The following SHB variants were observed in gnomAD, a reference collection of about 807,000 sequenced individuals.
SHB encodes SH2 domain-containing adapter protein B.
In SHB, 20 loss-of-function variants were observed where a neutral mutation model predicts 52.3. The ratio of observed to expected loss-of-function variants is 0.38; its 90% CI spans 0.27 to 0.56. The LOEUF (loss-of-function observed/expected upper bound fraction) is 0.56. Ranked by LOEUF, SHB falls within the 20% of genes least tolerant of loss-of-function variation. The pLI is 0.71. For missense variants in SHB, 825 were observed against 723.3 expected (o/e 1.14, Z -1.61); for synonymous variants, 397 against 316.5 (o/e 1.25, Z -2.70).
chr9:37,987,078 A>T (rs1820818074), intron 2 of SHB, among the ~76,000 whole-genome samples: 2 of 152,186 alleles, frequency 1.3e-5, no homozygotes, highest in Admixed American at 1.3e-4. Context: ...CTGCTCACCA[A>T]GTGGCTTCAC....
chr9:37,932,578 A>T (rs2118477232), intron 5 of SHB, among the ~76,000 whole-genome samples: 1 of 152,090 alleles, frequency 6.6e-6, no homozygotes, highest in Admixed American at 6.5e-5. Flanking sequence ...AAAAAAAAAA[A>T]AAAGGTAACT....
chr9:37,989,209 G>A (rs1820850183), intron 2 of SHB, among the ~76,000 whole-genome samples: 1 of 151,418 alleles, frequency 6.6e-6, no homozygotes, highest in African/African-American at 2.5e-5. Context: ...CTGCTTGTCT[G>A]TTTCTCTTCT....
intron 1 of SHB, among the ~76,000 whole-genome samples, chr9:38,049,517 A>G (rs1412417102): frequency 2.0e-5 from 3 of 151,942 alleles, no homozygotes; most frequent in Admixed American, 6.5e-5. Flanking sequence ...AGGCTGAGAC[A>G]GAAGAATCGC....
Position 37,947,030 on chromosome 9 carries a change from T to G in SHB, c.1346+1605A>C, listed in dbSNP as rs572681565. Among the ~76,000 whole-genome samples, 5 of 152,226 alleles carry G rather than the reference T, an allele frequency of 3.3e-5. No individual in the cohort carries two copies. In the South Asian group the frequency reaches 1.0e-3, roughly 32 times the overall value. Reference sequence around the variant, plus strand: ...TGCACGCCCCCCTGCTGCTGTCCTCTCCTCAGTCCAATTCCGCTCCTCTGG... The same window carrying G: ...TGCACGCCCCCCTGCTGCTGTCCTCGCCTCAGTCCAATTCCGCTCCTCTGG... On this transcript the variant is annotated intron_variant, in intron 5 of 5. Transcript: ENST00000377707.
intron 1 of SHB, among the ~76,000 whole-genome samples, chr9:38,056,785 G>GT (rs539344564): frequency 2.0e-5 from 3 of 152,232 alleles, no homozygotes; most frequent in Non-Finnish European, 4.4e-5. Context: ...CAAATGGCAG[G>GT]TAAGGGGCTG....
At chr9:37,955,854 G>A (rs752012447) in intron 4 of SHB, 29 bp downstream of exon 4, 8 of 1,599,866 alleles carry the variant, frequency 5.0e-6, no homozygotes, top group Non-Finnish European at 6.0e-6. Flanking sequence ...ACTGGGAGGT[G>A]AGGTTGGGCT....
At chr9:38,062,667 C>T (rs1449025453) in intron 1 of SHB, among the ~76,000 whole-genome samples, 1 of 152,196 alleles carries the variant, frequency 6.6e-6, no homozygotes, top group African/African-American at 2.4e-5. Context: ...CATACCCACC[C>T]CACCCCCAGT....
intron 3 of SHB, among the ~76,000 whole-genome samples, chr9:37,962,529 C>T (rs1326484544): frequency 6.7e-6 from 1 of 149,560 alleles, no homozygotes; most frequent in Non-Finnish European, 1.5e-5. Context: ...TTTTAAGAGA[C>T]AGGGTCTCAT....
intron 2 of SHB, among the ~76,000 whole-genome samples, chr9:37,996,437 C>T (rs1031795209): frequency 6.6e-6 from 1 of 152,242 alleles, no homozygotes; most frequent in African/African-American, 2.4e-5. Context: ...GGCCTGAGGC[C>T]TGTACGTGTG....
chr9:38,066,566 A>G (rs1564114846), intron 1 of SHB, among the ~76,000 whole-genome samples: 1 of 152,188 alleles, frequency 6.6e-6, no homozygotes, highest in African/African-American at 2.4e-5. Flanking sequence ...TAGGTGTGGC[A>G]TCCTAGGTGC....
At chr9:37,940,086 G>GT (rs1832417967) in intron 5 of SHB, among the ~76,000 whole-genome samples, 1 of 152,176 alleles carries the variant, frequency 6.6e-6, no homozygotes, top group Non-Finnish European at 1.5e-5. Context: ...TTGGGATCCC[G>GT]TAACTTGTCA....
intron 1 of SHB, among the ~76,000 whole-genome samples, chr9:38,053,382 C>T (rs541923416): frequency 1.3e-5 from 2 of 152,228 alleles, no homozygotes; most frequent in African/African-American, 2.4e-5. Context: ...GGACTACAGG[C>T]GCTTGCCACC....
intron 1 of SHB, among the ~76,000 whole-genome samples, chr9:38,023,768 G>A (rs1821309342): frequency 6.6e-6 from 1 of 152,176 alleles, no homozygotes; most frequent in South Asian, 2.1e-4. Context: ...TGTGTGCTGG[G>A]AGACAGAAGT....
chr9:38,006,542 A>C (rs1360396037), intron 2 of SHB, among the ~76,000 whole-genome samples: 2 of 152,242 alleles, frequency 1.3e-5, no homozygotes, highest in African/African-American at 4.8e-5. Context: ...TCTGAAATGC[A>C]AGGCTGAGGC....
intron 2 of SHB, among the ~76,000 whole-genome samples, chr9:37,975,367 G>A (rs1223602302): frequency 1.3e-5 from 2 of 152,124 alleles, no homozygotes; most frequent in East Asian, 1.9e-4. Flanking sequence ...TTTCTCCCCC[G>A]CAAAGCCTGA....
At chr9:38,006,997 TA>T (rs1313265015) in intron 2 of SHB, among the ~76,000 whole-genome samples, 4 of 152,202 alleles carry the variant, frequency 2.6e-5, no homozygotes, top group Non-Finnish European at 5.9e-5. Flanking sequence ...CAGCATCTAG[TA>T]AATGAGTTTC....
chr9:38,026,274 C>T (rs1050488717), intron 1 of SHB, among the ~76,000 whole-genome samples: 3 of 152,240 alleles, frequency 2.0e-5, no homozygotes, highest in Non-Finnish European at 4.4e-5. Flanking sequence ...CCCTCTCTCT[C>T]GTGTGTGCTT....
intron 1 of SHB, among the ~76,000 whole-genome samples, chr9:38,044,966 G>T (rs546628566): frequency 6.6e-6 from 1 of 152,198 alleles, no homozygotes; most frequent in Admixed American, 6.5e-5. Flanking sequence ...CAAATGGCAG[G>T]ACAGCTGAGC....
intron 2 of SHB, among the ~76,000 whole-genome samples, chr9:38,008,332 T>A (rs1821096067): frequency 6.6e-6 from 1 of 152,252 alleles, no homozygotes; most frequent in Admixed American, 6.5e-5. Flanking sequence ...CCCACAGCTC[T>A]GCGGGTGAGC....
Sources: gnomAD v4.1 joint callset for allele counts (sites outside exome capture counted in the v4.1 genomes callset) on GRCh38, gnomAD v4.1.1 for gene constraint, MANE v1.5 for transcripts, NCBI Gene and HGNC (gene_info 2026-07-23, HGNC 2026-07-21) for gene names.